Variants in PARD3 observed in about 807,000 individuals in gnomAD.
The protein encoded by PARD3 is partitioning defective 3 homolog.
A neutral mutation model predicts 155.4 loss-of-function variants in PARD3; 75 were observed. The ratio of observed to expected loss-of-function variants is 0.48; its 90% CI spans 0.40 to 0.58. The LOEUF (loss-of-function observed/expected upper bound fraction) is 0.58. Ranked by LOEUF, PARD3 falls within the 20% of genes least tolerant of loss-of-function variation. PARD3 has a pLI of 0.00. For synonymous variants in PARD3, 576 were observed against 610.5 expected (o/e 0.94, Z 0.83); for missense variants, 1,642 against 1,721.7 (o/e 0.95, Z 0.82).
intron 22 of PARD3, among the ~76,000 whole-genome samples, chr10:34,220,808 T>G (rs1952240814): frequency 6.6e-6 from 1 of 152,160 alleles, no homozygotes. Flanking sequence ...GTTCTATGAT[T>G]CCCCAAACAG....
At chr10:34,668,138 A>G (rs1218510214) in intron 2 of PARD3, among the ~76,000 whole-genome samples, 1 of 152,212 alleles carries the variant, frequency 6.6e-6, no homozygotes, top group Non-Finnish European at 1.5e-5. Context: ...CTAAGCAACA[A>G]ATAATTCCTC....
intron 2 of PARD3, among the ~76,000 whole-genome samples, chr10:34,651,755 G>C (rs776496851): frequency 5.3e-5 from 8 of 152,126 alleles, no homozygotes; most frequent in Non-Finnish European, 1.2e-4. Flanking sequence ...TTCTGTTTTT[G>C]GTAGAACAAA....
intron 2 of PARD3, among the ~76,000 whole-genome samples, chr10:34,605,543 ATATATATATATATCTCC>A (rs2090198209): frequency 1.7e-5 from 1 of 57,350 alleles, no homozygotes; most frequent in Non-Finnish European, 3.0e-5. Context: ...TCTCCTATAT[ATATATATATATATCTCC>A]TATATATATA....
chr10:34,352,399 G>C (rs140200662), intron 14 of PARD3, among the ~76,000 whole-genome samples: 10 of 152,186 alleles, frequency 6.6e-5, no homozygotes, highest in South Asian at 2.1e-4. Flanking sequence ...ATGCCGAGCC[G>C]AGGCTGGACT....
intron 1 of PARD3, among the ~76,000 whole-genome samples, chr10:34,737,385 C>T (rs1564564538): frequency 6.6e-6 from 1 of 152,176 alleles, no homozygotes; most frequent in Admixed American, 6.5e-5. Flanking sequence ...CCTTAAAGGA[C>T]AGCTGAAGTG....
intron 2 of PARD3, among the ~76,000 whole-genome samples, chr10:34,596,187 T>G (rs1028483769): frequency 9.9e-5 from 15 of 152,144 alleles, no homozygotes; most frequent in African/African-American, 3.4e-4. Context: ...GGAAATAACT[T>G]TGGGAGCACT....
chr10:34,776,836 G>T (rs58715657), intron 1 of PARD3, among the ~76,000 whole-genome samples: 2,463 of 7,826 alleles, frequency 0.31, 257 homozygotes, highest in African/African-American at 0.48. Context: ...GTTTTTTTGT[G>T]GGGGGGGGGG....
At chr10:34,329,368 G>A (rs765511034) in intron 19 of PARD3, among the ~76,000 whole-genome samples, 11 of 151,712 alleles carry the variant, frequency 7.3e-5, no homozygotes, top group Non-Finnish European at 1.2e-4. Flanking sequence ...TATATCAAGG[G>A]GCCAAAGCAT....
intron 14 of PARD3, among the ~76,000 whole-genome samples, chr10:34,354,772 C>G (rs73256796): frequency 6.6e-6 from 1 of 152,062 alleles, no homozygotes; most frequent in Non-Finnish European, 1.5e-5. Context: ...TGTAGGGCAC[C>G]GATGACAATC....
chr10:34,370,968 T>C (rs1436626079), intron 12 of PARD3, among the ~76,000 whole-genome samples: 3 of 152,130 alleles, frequency 2.0e-5, no homozygotes, highest in African/African-American at 7.2e-5. Context: ...AAACTATCCT[T>C]TTAAAGCTAC....
At chr10:34,792,282 G>A (rs557969232) in intron 1 of PARD3, among the ~76,000 whole-genome samples, 1 of 152,202 alleles carries the variant, frequency 6.6e-6, no homozygotes, top group Admixed American at 6.5e-5. Flanking sequence ...ACAAGGTCTC[G>A]CTGTGTTGCC....
chr10:34,782,821 G>T (rs1164957053), intron 1 of PARD3, among the ~76,000 whole-genome samples: 1 of 151,848 alleles, frequency 6.6e-6, no homozygotes, highest in Admixed American at 6.6e-5. Flanking sequence ...CTGCCTCCCG[G>T]GTTCCAGCAA....
At chr10:34,672,476 G>A (rs918409069) in intron 2 of PARD3, among the ~76,000 whole-genome samples, 3 of 152,142 alleles carry the variant, frequency 2.0e-5, no homozygotes, top group African/African-American at 7.2e-5. Context: ...TTCTCAATAT[G>A]TACCGTGTTT....
chr10:34,317,490 T>C (rs749071349), intron 19 of PARD3, 152 bp from the exon 20 acceptor site: 19 of 818,012 alleles, frequency 2.3e-5, no homozygotes, highest in Non-Finnish European at 3.5e-5. Context: ...TAACTTTGAG[T>C]AGAATTAAAA....
chr10:34,468,143 C>T (rs1282421700), intron 4 of PARD3, among the ~76,000 whole-genome samples: 2 of 152,102 alleles, frequency 1.3e-5, no homozygotes, highest in Admixed American at 6.6e-5. Flanking sequence ...ACCTCCTTCA[C>T]CACGAAAGCA....
intron 3 of PARD3, among the ~76,000 whole-genome samples, chr10:34,474,242 T>TG (rs2078551888): frequency 1.3e-5 from 2 of 152,164 alleles, no homozygotes; most frequent in Admixed American, 1.3e-4. Flanking sequence ...GGTTTTCTTA[T>TG]GGTTGGAAGT....
chr10:34,326,638 T>C (rs2134197655), intron 19 of PARD3, among the ~76,000 whole-genome samples: 1 of 152,270 alleles, frequency 6.6e-6, no homozygotes, highest in East Asian at 1.9e-4. Flanking sequence ...GAGTAGAAAA[T>C]GAGATATCAA....
chr10:34,582,112 A>G (rs375297035), intron 2 of PARD3, among the ~76,000 whole-genome samples: 25 of 152,262 alleles, frequency 1.6e-4, no homozygotes, highest in African/African-American at 4.3e-4. Context: ...TTGCCAATTC[A>G]GTCATCTTAA....
intron 22 of PARD3, among the ~76,000 whole-genome samples, chr10:34,260,677 G>C (rs1433386769): frequency 6.6e-6 from 1 of 152,226 alleles, no homozygotes; most frequent in Non-Finnish European, 1.5e-5. Flanking sequence ...CCAACTTGCA[G>C]AACTCACATT....
Sources: gnomAD v4.1 joint callset for allele counts (sites outside exome capture counted in the v4.1 genomes callset) on GRCh38, gnomAD v4.1.1 for gene constraint, MANE v1.5 for transcripts, NCBI Gene and HGNC (gene_info 2026-07-23, HGNC 2026-07-21) for gene names.